CUEDC1: variants seen among roughly 807,000 people sequenced by gnomAD.
The protein encoded by CUEDC1 is CUE domain-containing protein 1.
In CUEDC1, 30 loss-of-function variants were observed where a neutral mutation model predicts 43.7. The ratio of observed to expected loss-of-function variants is 0.69; its 90% CI spans 0.51 to 0.93. The LOEUF (loss-of-function observed/expected upper bound fraction) is 0.93. Ranked by LOEUF, CUEDC1 falls within the 40% of genes least tolerant of loss-of-function variation. CUEDC1 has a pLI of 0.00. For missense variants in CUEDC1, 486 were observed against 549.0 expected (o/e 0.89, Z 1.15); for synonymous variants, 223 against 223.6 (o/e 1.00, Z 0.02).
intron 3 of CUEDC1, among the ~76,000 whole-genome samples, chr17:57,875,965 G>A (rs2074117517): frequency 6.6e-6 from 1 of 152,118 alleles, no homozygotes; most frequent in African/African-American, 2.4e-5. Flanking sequence ...GACATTTGAA[G>A]CATGCTCCCC....
Position 57,941,271 on chromosome 17 carries a change from C to G in CUEDC1, c.-316+13954G>C, listed in dbSNP as rs559878255. 1.1e-4 allele frequency among the ~76,000 whole-genome samples: 17 copies of G among 152,330 alleles called. No homozygotes were observed. The East Asian group carries it at 3.1e-3, about 28-fold the overall frequency. ...TCCCCCATGACTGAGCTTTTCTCCCCCTATCCCACATAGCAGAGGACTGAG... is the reference window on the plus strand; with the variant it reads ...TCCCCCATGACTGAGCTTTTCTCCCGCTATCCCACATAGCAGAGGACTGAG... On this transcript the variant is annotated intron_variant, in intron 1 of 10. Transcript: ENST00000577830.
intron 1 of CUEDC1, among the ~76,000 whole-genome samples, chr17:57,931,086 C>T (rs1259470671): frequency 1.3e-5 from 2 of 151,988 alleles, no homozygotes; most frequent in Non-Finnish European, 2.9e-5. Context: ...CTCAGGAGTT[C>T]GAGACCAGTC....
chr17:57,895,734 G>T (rs2074401665), intron 1 of CUEDC1, among the ~76,000 whole-genome samples: 1 of 152,154 alleles, frequency 6.6e-6, no homozygotes, highest in Admixed American at 6.5e-5. Context: ...AGCTCTAGGG[G>T]ACCCCACTGG....
chr17:57,935,819 GC>G (rs2074856548), intron 1 of CUEDC1, among the ~76,000 whole-genome samples: 1 of 152,088 alleles, frequency 6.6e-6, no homozygotes, highest in Non-Finnish European at 1.5e-5. Context: ...CCTCTCCTGG[GC>G]CCCCTTGACT....
rs529843543 is a variant in CUEDC1, at chr17:57,861,721, C to G, written c.*1568G>C. 1 of 152,238 alleles carries G rather than the reference C, an allele frequency of 6.6e-6. No homozygotes were observed. Among genetic ancestry groups the G allele is most frequent in the Non-Finnish European group, 1.5e-5 (1 of 68,036 alleles). The allele number at this position is 152,238 out of a possible 1,614,324, so 9.4% of individuals were successfully genotyped here. On this transcript the variant is annotated 3_prime_UTR_variant, in exon 11 of 11. Coordinates refer to ENST00000577830, the MANE Select transcript of CUEDC1 (RefSeq NM_001271875.2). ...ACAGACATGGGGCTGGGGCTTCCCC[C>G]ACAGTGCGCCGGGTCCTGGCGCGGG...
intron 1 of CUEDC1, among the ~76,000 whole-genome samples, chr17:57,909,622 G>C (rs892804119): frequency 6.6e-6 from 1 of 152,234 alleles, no homozygotes; most frequent in Non-Finnish European, 1.5e-5. Flanking sequence ...CCCAGGCAGA[G>C]AGAAGCTGGG....
intron 1 of CUEDC1, among the ~76,000 whole-genome samples, chr17:57,924,209 G>A (rs111951063): frequency 0.11 from 16,458 of 152,114 alleles, 995 homozygotes; most frequent in Non-Finnish European, 0.14. Flanking sequence ...AGGTTCAAGC[G>A]ATTTTTATGC....
chr17:57,943,353 T>C (rs1414066083), intron 1 of CUEDC1, among the ~76,000 whole-genome samples: 1 of 152,210 alleles, frequency 6.6e-6, no homozygotes, highest in Admixed American at 6.5e-5. Flanking sequence ...TTTTCCAGAA[T>C]TAAAGCTCAT....
chr17:57,893,132 G>A (rs1215876326), intron 1 of CUEDC1, among the ~76,000 whole-genome samples: 1 of 152,244 alleles, frequency 6.6e-6, no homozygotes, highest in Non-Finnish European at 1.5e-5. Flanking sequence ...ATGACCCTGG[G>A]AGGCTTGTGT....
At chr17:57,897,506 T>C (rs1328748357) in intron 1 of CUEDC1, among the ~76,000 whole-genome samples, 1 of 151,780 alleles carries the variant, frequency 6.6e-6, no homozygotes, top group Non-Finnish European at 1.5e-5. Context: ...CCGTCTCTAC[T>C]AAAAATACAA....
At chr17:57,938,739 C>T (rs1054073146) in intron 1 of CUEDC1, among the ~76,000 whole-genome samples, 1 of 151,910 alleles carries the variant, frequency 6.6e-6, no homozygotes, top group East Asian at 1.9e-4. Context: ...CTCAGCTCAG[C>T]GCAACCTCTG....
At chr17:57,908,781 A>G (rs192225150) in intron 1 of CUEDC1, among the ~76,000 whole-genome samples, 79 of 152,286 alleles carry the variant, frequency 5.2e-4, no homozygotes, top group Middle Eastern at 3.4e-3. Context: ...GTGGATCACA[A>G]GGTCAGGAGA....
intron 1 of CUEDC1, among the ~76,000 whole-genome samples, chr17:57,901,200 T>C (rs2145004501): frequency 6.6e-6 from 1 of 152,300 alleles, no homozygotes; most frequent in South Asian, 2.1e-4. Context: ...GCCTCCAGGT[T>C]TCCATCCGGA....
intron 6 of CUEDC1, among the ~76,000 whole-genome samples, chr17:57,870,546 C>G (rs1051663751): frequency 6.6e-6 from 1 of 152,318 alleles, no homozygotes; most frequent in South Asian, 2.1e-4. Context: ...ATCAGTAAGT[C>G]CTCAGCTTTG....
chr17:57,891,363 T>A (rs916396697), intron 1 of CUEDC1, among the ~76,000 whole-genome samples: 1 of 152,264 alleles, frequency 6.6e-6, no homozygotes, highest in African/African-American at 2.4e-5. Flanking sequence ...ATACTCTATG[T>A]CCAATCTATG....
chr17:57,864,652 G>A (rs1339337167), intron 10 of CUEDC1, among the ~76,000 whole-genome samples: 4 of 152,188 alleles, frequency 2.6e-5, no homozygotes, highest in Non-Finnish European at 4.4e-5. Flanking sequence ...GGATGAAGGA[G>A]GATGGCAGGG....
At chr17:57,889,719 A>G (rs562256076) in intron 1 of CUEDC1, among the ~76,000 whole-genome samples, 73 of 152,370 alleles carry the variant, frequency 4.8e-4, no homozygotes, top group African/African-American at 1.7e-3. Context: ...ACAAGGAAGC[A>G]GTAATGGGAA....
At position 57,893,349 on chromosome 17, in the gene CUEDC1, A is replaced by ATGTGTG. The variant is rs147335365; in HGVS notation, c.-315-7476_-315-7471dup. Among the ~76,000 whole-genome samples, 503 of 148,352 alleles carry ATGTGTG rather than the reference A, an allele frequency of 3.4e-3. 2 individuals are homozygous for ATGTGTG. The highest frequency in any genetic ancestry group is 9.9e-3 in the African/African-American group (403 of 40,676). On this transcript the variant is annotated intron_variant, in intron 1 of 10. Transcript: ENST00000577830. ...AGCAAGAGACAGAGGCTCTCAGGGTATGTGTGTGTGTGTGTGTGTGTGTGT... is the reference window on the plus strand; with the variant it reads ...AGCAAGAGACAGAGGCTCTCAGGGTATGTGTGTGTGTGTGTGTGTGTGTGTGTGTGT...
chr17:57,909,290 T>C (rs772122323), intron 1 of CUEDC1, among the ~76,000 whole-genome samples: 5 of 152,138 alleles, frequency 3.3e-5, no homozygotes, highest in Non-Finnish European at 7.4e-5. Context: ...CCACCGCACC[T>C]AGCCTAAAAT....
Sources: gnomAD v4.1 joint callset for allele counts (sites outside exome capture counted in the v4.1 genomes callset) on GRCh38, gnomAD v4.1.1 for gene constraint, MANE v1.5 for transcripts, NCBI Gene and HGNC (gene_info 2026-07-23, HGNC 2026-07-21) for gene names.